PEX10: variants seen among roughly 807,000 people sequenced by gnomAD.
PEX10 encodes the protein peroxisomal biogenesis factor 10, also known as peroxisome biogenesis factor 10.
In PEX10, 32 loss-of-function variants were observed where a neutral mutation model predicts 38.0. The ratio of observed to expected loss-of-function variants is 0.84; its 90% CI spans 0.63 to 1.13. PEX10 has a LOEUF of 1.13. Ranked by LOEUF, PEX10 falls within the 50% of genes most tolerant of loss-of-function variation. PEX10 has a pLI of 0.00. For missense variants in PEX10, 483 were observed against 457.7 expected (o/e 1.06, Z -0.51); for synonymous variants, 206 against 207.3 (o/e 0.99, Z 0.05).
In PEX10 at chr1:2,404,312, G is replaced by C. The variant is rs1480231038; in HGVS notation, c.*1454C>G. ...GCTTGTGTGTCCCTGACCCAAGATA[G>C]CCAGTGCTGCTCCCAGGTGGTACTT... On this transcript the variant is annotated 3_prime_UTR_variant, in exon 6 of 6. Transcript: ENST00000447513. 1 of 152,306 alleles carries C rather than the reference G, an allele frequency of 6.6e-6. No homozygotes were observed. Among genetic ancestry groups the C allele is most frequent in the Non-Finnish European group, 1.5e-5 (1 of 68,056 alleles). 9.4% of individuals were successfully genotyped at this position (152,306 alleles called of 1,614,324 possible).
In PEX10 at chr1:2,405,546, T is replaced by A; in HGVS notation, c.*220A>T. Reference sequence around the variant, plus strand: ...GTGGCTGAGTCCTACCAGGTTGGGGTTAGGGAAATGTTCTGGGTTCAGGCG... The same window carrying A: ...GTGGCTGAGTCCTACCAGGTTGGGGATAGGGAAATGTTCTGGGTTCAGGCG... On this transcript the variant is annotated 3_prime_UTR_variant, in exon 6 of 6. Transcript: ENST00000447513. 1.5e-6 allele frequency: 1 copy of A among 662,022 alleles called. No individual in the cohort carries two copies. The highest frequency in any genetic ancestry group is 2.8e-6 in the Non-Finnish European group (1 of 361,622). 41.0% of individuals were successfully genotyped at this position (662,022 alleles called of 1,614,324 possible).
Position 2,412,466 on chromosome 1 carries a change from G to A in PEX10, c.37C>T (p.Arg13Cys), listed in dbSNP as rs1434595601. The change falls in exon 1 of 6, where the codon CGC becomes TGC. Residue 13 changes from arginine (R) to cysteine (C), a missense_variant. Physicochemically the swap from Arg to Cys is radical, Grantham distance 180. Coordinates refer to ENST00000447513, the MANE Select transcript of PEX10 (RefSeq NM_002617.4). ...TAGTACTCGTCCTTCTGCGCCGCGCGGATCACCTCCGGGGGGCTGGCGGCG... is the reference window on the plus strand; with the variant it reads ...TAGTACTCGTCCTTCTGCGCCGCGCAGATCACCTCCGGGGGGCTGGCGGCG... ...PAAASPPEVIRAAQKDEYYRG... is the reference protein window; with the variant it reads ...PAAASPPEVICAAQKDEYYRG... 4.9e-6 allele frequency: 7 copies of A among 1,418,244 alleles called. No individual in the cohort carries two copies. The highest frequency in any genetic ancestry group is 3.0e-5 in the East Asian group (1 of 32,874). 87.9% of individuals were successfully genotyped at this position (1,418,244 alleles called of 1,614,324 possible).
Position 2,406,817 on chromosome 1 carries a change from G to C in PEX10, c.679C>G (p.His227Asp), listed in dbSNP as rs777541029. ...YRLLGVISLL[H>D]LVLSMGLQLY... ...TGCAGCCCCATGGACAGCACCAGGT[G>C]CAGCAGTGAGATGACCCCCAGCAGC... Residue 227 changes from histidine (H) to aspartate (D), a missense_variant, in exon 4 of 6, where the codon CAC becomes GAC. Coordinates refer to ENST00000447513, the MANE Select transcript of PEX10 (RefSeq NM_002617.4). 6.2e-7 allele frequency: 1 copy of C among 1,610,960 alleles called. No homozygotes were observed. Among genetic ancestry groups the C allele is most frequent in the East Asian group, 2.2e-5 (1 of 44,822 alleles).
chr1:2,407,050 G>A, intron 3 of PEX10, 155 bp from the exon 4 acceptor site: 1 of 1,056,238 alleles, frequency 9.5e-7, no homozygotes, highest in Non-Finnish European at 1.4e-6. Flanking sequence ...CAAGCCAGGG[G>A]GCAGGTTCAG....
At chr1:2,412,657 A>ACTG, upstream of PEX10, 1 of 518,728 alleles carries the variant, frequency 1.9e-6, no homozygotes, top group African/African-American at 2.1e-5. Flanking sequence ...AGGCGGGGCC[A>ACTG]GGGCCCGGGC....
Position 2,405,266 on chromosome 1 carries a change from C to T in PEX10, c.*500G>A, listed in dbSNP as rs893890794. ...CCAGCCGCCCTCGGGGAGAGCAGCG[C>T]CGCCTCCCATGGGGCCGTGGGGCTG... On this transcript the variant is annotated 3_prime_UTR_variant, in exon 6 of 6. Coordinates refer to ENST00000447513, the MANE Select transcript of PEX10 (RefSeq NM_002617.4). 3.5e-5 allele frequency: 10 copies of T among 283,200 alleles called. No homozygotes were observed. The Admixed American group carries it at 5.0e-4, about 14-fold the overall frequency. The allele number at this position is 283,200 out of a possible 1,614,324, so 17.5% of individuals were successfully genotyped here.
chr1:2,405,760 G>A lies in PEX10; in HGVS notation c.*6C>T, dbSNP rs765940676. 6.9e-6 allele frequency: 11 copies of A among 1,597,434 alleles called. No individual in the cohort carries two copies. The highest frequency in any genetic ancestry group is 1.7e-5 in the Admixed American group (1 of 58,104). On this transcript the variant is annotated 3_prime_UTR_variant, in exon 6 of 6. Transcript: ENST00000447513. ...CATCTGTGTCCAGGCCCACCCGGGC[G>A]CCGGCTCAGCGGTAGTGCCGAAGGT... is the stretch of plus-strand genomic sequence containing the variant.
chr1:2,406,418 C>T lies in PEX10; in HGVS notation c.912+66G>A. 3.8e-6 allele frequency: 6 copies of T among 1,595,412 alleles called. No individual in the cohort carries two copies. The African/African-American group carries it at 5.3e-5, about 14-fold the overall frequency. On this transcript the variant is annotated intron_variant, in intron 5 of 5. Transcript: ENST00000447513. ...AGAGCCAGACTCCCCACTTCTGCTGCAGCCAGGTGCATCTTGCCGGCACAG... is the reference window on the plus strand; with the variant it reads ...AGAGCCAGACTCCCCACTTCTGCTGTAGCCAGGTGCATCTTGCCGGCACAG...
rs898885788 is a variant in PEX10 at position 2,412,534 on chromosome 1, C to A, written c.-32G>T. 10 of 1,303,846 alleles carry A rather than the reference C, an allele frequency of 7.7e-6. No individual in the cohort carries two copies. Among genetic ancestry groups the A allele is most frequent in the Non-Finnish European group, 9.7e-6 (10 of 1,026,310 alleles). The allele number at this position is 1,303,846 out of a possible 1,614,324, so 80.8% of individuals were successfully genotyped here. ...GGGTTCGGGTGGTCCCGAGCAGCCA[C>A]GCCGGCCACGCCCACGCCCAGACGG... On this transcript the variant is annotated 5_prime_UTR_variant, in exon 1 of 6. Coordinates refer to ENST00000447513, the MANE Select transcript of PEX10 (RefSeq NM_002617.4).
In PEX10 at chr1:2,405,714, C is replaced by T. The variant is rs41300094; in HGVS notation, c.*52G>A. On this transcript the variant is annotated 3_prime_UTR_variant, in exon 6 of 6. Coordinates refer to ENST00000447513, the MANE Select transcript of PEX10 (RefSeq NM_002617.4). The stretch of plus-strand genomic sequence containing the variant: ...GGTTAATCCTGAGACTAAATCTTGG[C>T]GTTCAGACTCCCGTAGAGGTCATCT... The T allele has an allele frequency of 1.1e-4, 162 of 1,441,974 alleles. 1 individual carries two copies. The highest frequency in any genetic ancestry group is 6.8e-4 in the Middle Eastern group (4 of 5,844). 89.3% of individuals were successfully genotyped at this position (1,441,974 alleles called of 1,614,324 possible).
At chr1:2,406,363 C>T (rs867980042) in intron 5 of PEX10, 121 bp downstream of exon 5, 1 of 1,362,450 alleles carries the variant, frequency 7.3e-7, no homozygotes, top group Non-Finnish European at 1.0e-6. Context: ...AAGATGCCCA[C>T]CTCTGTACCC....
At position 2,412,517 on chromosome 1, in the gene PEX10, G is replaced by T. The variant is rs1456758060; in HGVS notation, c.-15C>A. Reference sequence around the variant, plus strand: ...GCCGGGGCCATGGCCGCGGGTTCGGGTGGTCCCGAGCAGCCACGCCGGCCA... The same window carrying T: ...GCCGGGGCCATGGCCGCGGGTTCGGTTGGTCCCGAGCAGCCACGCCGGCCA... On this transcript the variant is annotated 5_prime_UTR_variant, in exon 1 of 6. Coordinates refer to ENST00000447513, the MANE Select transcript of PEX10 (RefSeq NM_002617.4). 17 of 1,342,316 alleles carry T rather than the reference G, an allele frequency of 1.3e-5. No individual in the cohort carries two copies. The East Asian group carries it at 4.4e-4, about 35-fold the overall frequency. The allele number at this position is 1,342,316 out of a possible 1,614,324, so 83.2% of individuals were successfully genotyped here. A position where few individuals can be genotyped will look rare whatever the true frequency, so the allele number is the denominator to read the frequency against.
rs1176736626 is a variant in PEX10, at chr1:2,404,739, G to A, written c.*1027C>T. 6.6e-6 allele frequency: 1 copy of A among 152,320 alleles called. No individual in the cohort carries two copies. The highest frequency in any genetic ancestry group is 1.5e-5 in the Non-Finnish European group (1 of 68,056). The allele number at this position is 152,320 out of a possible 1,614,324, so 9.4% of individuals were successfully genotyped here. On this transcript the variant is annotated 3_prime_UTR_variant, in exon 6 of 6. Coordinates refer to ENST00000447513, the MANE Select transcript of PEX10 (RefSeq NM_002617.4). Reference sequence around the variant, plus strand: ...AGGTGTTTTACGTCAGCAGGGAAATGTGGCACACGCCCTCGAGGCATTTTA... The same window carrying A: ...AGGTGTTTTACGTCAGCAGGGAAATATGGCACACGCCCTCGAGGCATTTTA...
Position 2,405,678 on chromosome 1 carries a change from T to C in PEX10, c.*88A>G. 4.2e-6 allele frequency: 5 copies of C among 1,183,282 alleles called. No individual in the cohort carries two copies. The highest frequency in any genetic ancestry group is 4.9e-6 in the Non-Finnish European group (4 of 814,172). The allele number at this position is 1,183,282 out of a possible 1,614,324, so 73.3% of individuals were successfully genotyped here. A position where few individuals can be genotyped will look rare whatever the true frequency, so the allele number is the denominator to read the frequency against. ...AAAAAACTGAGAGTGTTCTAACTTC[T>C]GTGCAAGCAAGGTTAATCCTGAGAC... On this transcript the variant is annotated 3_prime_UTR_variant, in exon 6 of 6. Coordinates refer to ENST00000447513, the MANE Select transcript of PEX10 (RefSeq NM_002617.4).
rs1643152301 is a variant in PEX10 at position 2,410,511 on chromosome 1, A to G, written c.113-60T>C. The G allele has an allele frequency of 1.4e-6, 2 of 1,443,268 alleles. No individual in the cohort carries two copies. Among genetic ancestry groups the G allele is most frequent in the Non-Finnish European group, 1.9e-6 (2 of 1,033,430 alleles). 89.4% of individuals were successfully genotyped at this position (1,443,268 alleles called of 1,614,324 possible). A position where few individuals can be genotyped will look rare whatever the true frequency, so the allele number is the denominator to read the frequency against. The stretch of plus-strand genomic sequence containing the variant: ...GGTGGGCATCCTCTGAGGATGAGGG[A>G]CCACAGTCCTCCCCCAGTTGTCTAG... On this transcript the variant is annotated intron_variant, in intron 1 of 5. Transcript: ENST00000447513. The surrounding 1 kb of genome is among the most constrained non-coding windows in gnomAD (Gnocchi z 5.1).
chr1:2,410,276 G>C lies in PEX10; in HGVS notation c.193+95C>G. 9.2e-7 allele frequency: 1 copy of C among 1,089,936 alleles called. No individual in the cohort carries two copies. Among genetic ancestry groups the C allele is most frequent in the Non-Finnish European group, 1.4e-6 (1 of 710,476 alleles). The allele number at this position is 1,089,936 out of a possible 1,614,324, so 67.5% of individuals were successfully genotyped here. A position where few individuals can be genotyped will look rare whatever the true frequency, so the allele number is the denominator to read the frequency against. The stretch of plus-strand genomic sequence containing the variant: ...GCAACCTCACCCGGGCCAGCTCCAG[G>C]AGCTTCTCACACTGCCTGGCAGCCC... On this transcript the variant is annotated intron_variant, in intron 2 of 5. Transcript: ENST00000447513. This position sits in a 1 kb window ranked among gnomAD's most constrained non-coding sequence, Gnocchi z 5.1.
At chr1:2,413,657 T>G (rs1643368631), upstream of PEX10, 1 of 152,450 alleles carries the variant, frequency 6.6e-6, no homozygotes, top group African/African-American at 2.4e-5. Context: ...AGGGCAGCAC[T>G]TGGCCCTGGA....
rs1372509527 is a variant in PEX10 at position 2,408,447 on chromosome 1, C to T, written c.600+5G>A. On this transcript the variant is annotated splice_donor_5th_base_variant and intron_variant, in intron 3 of 5. Coordinates refer to ENST00000447513, the MANE Select transcript of PEX10 (RefSeq NM_002617.4). ...GCAGCTGTGCCCTCAGCGCCTGCTA[C>T]TTACGTACGTGATCCCCGTGAGCCT... The T allele has an allele frequency of 1.2e-6, 2 of 1,612,902 alleles. No individual in the cohort carries two copies. The highest frequency in any genetic ancestry group is 1.3e-5 in the African/African-American group (1 of 75,048).
intron 3 of PEX10, among the ~76,000 whole-genome samples, chr1:2,408,026 G>C (rs1414686671): frequency 6.6e-6 from 1 of 152,040 alleles, no homozygotes; most frequent in Non-Finnish European, 1.5e-5. Context: ...GCAGGGGCGA[G>C]GGGTGAGGGG....
Sources: allele counts gnomAD v4.1 joint callset (sites outside exome capture counted in the v4.1 genomes callset), GRCh38; gene constraint gnomAD v4.1.1; non-coding constraint Gnocchi (gnomAD v3.1); transcripts MANE v1.5; gene names NCBI Gene and HGNC (gene_info 2026-07-23, HGNC 2026-07-21).